The following MYOF variants were observed in gnomAD, a reference collection of about 807,000 sequenced individuals.
MYOF encodes the protein myoferlin.
A neutral mutation model predicts 284.2 loss-of-function variants in MYOF; 244 were observed. The ratio of observed to expected loss-of-function variants is 0.86; its 90% confidence interval spans 0.77 to 0.95. The LOEUF (loss-of-function observed/expected upper bound fraction) is 0.95. Among genes scored for constraint, MYOF ranks in the 40% least tolerant of loss-of-function variants. The pLI, the probability that MYOF is intolerant of heterozygous loss-of-function variation, is 0.00. For synonymous variants in MYOF, 904 were observed against 919.7 expected, an observed-to-expected ratio of 0.98 and a Z score of 0.31; for missense variants, 2,496 against 2,560.6, an observed-to-expected ratio of 0.97 and a Z score of 0.54.
At chr10:93,383,360 C>T (rs1846214569) in intron 19 of MYOF, among the ~76,000 whole-genome samples, 1 of 152,134 alleles carries the variant, frequency 6.6e-6, no homozygotes, top group African/African-American at 2.4e-5. Context: ...TTTGTCAAAT[C>T]CCCTCTAGGC....
chr10:93,405,482 T>A (rs1270651624), intron 7 of MYOF, among the ~76,000 whole-genome samples: 1 of 152,238 alleles, frequency 6.6e-6, no homozygotes, highest in Non-Finnish European at 1.5e-5. Flanking sequence ...TAAATAGAGA[T>A]GAAGTTTCAC....
chr10:93,392,984 CAAG>C (rs1365241017), intron 16 of MYOF, 29 bp from the exon 17 acceptor site: 6 of 1,577,982 alleles, frequency 3.8e-6, no homozygotes, highest in African/African-American at 1.4e-5. Flanking sequence ...ACTGGTTAAA[CAAG>C]AAGAACACGG....
chr10:93,317,078 G>A (rs1348881908), intron 49 of MYOF, among the ~76,000 whole-genome samples: 1 of 150,018 alleles, frequency 6.7e-6, no homozygotes, highest in East Asian at 2.0e-4. Flanking sequence ...GCTGCCACCT[G>A]GGGGTTGGAG....
In MYOF at chr10:93,356,760, G is replaced by A; in HGVS notation, c.3209C>T (p.Thr1070Ile). The A allele has an allele frequency of 1.2e-6, 2 of 1,614,156 alleles. No homozygotes were observed. Among genetic ancestry groups the A allele is most frequent in the African/African-American group, 1.3e-5 (1 of 75,050 alleles). The change falls in exon 30 of 54, where the codon ACC becomes ATC. Residue 1070 changes from threonine (T) to isoleucine (I), a missense_variant. Transcript: ENST00000359263. ...TCTCCTCCAGCGTCTGCGGCGGAAG[G>A]TATCTGAACTACGTTGTTTCCAGTG... is the stretch of plus-strand genomic sequence containing the variant. ...KFHWKQRSSD[T>I]FRRRRWRRKM...
intron 39 of MYOF, among the ~76,000 whole-genome samples, chr10:93,339,365 ATT>A (rs1404672066): frequency 4.3e-5 from 3 of 69,438 alleles, no homozygotes; most frequent in Non-Finnish European, 9.7e-5. Context: ...TATGCTTCTT[ATT>A]TGTGTGTGTG....
At position 93,399,418 on chromosome 10, in the gene MYOF, CA is replaced by C. The variant is rs1446562268; in HGVS notation, c.1194del (p.Phe398LeufsTer2). The C allele has an allele frequency of 1.2e-6, 2 of 1,613,432 alleles. No individual in the cohort carries two copies. Among genetic ancestry groups the C allele is most frequent in the East Asian group, 2.2e-5 (1 of 44,882 alleles). On this transcript the variant is annotated frameshift_variant, in exon 13 of 54. Coordinates refer to ENST00000359263, the MANE Select transcript of MYOF (RefSeq NM_013451.4). LOFTEE classifies it high-confidence loss of function. ...NADKKNLVDPFVEVSFAGKKV... is the reference protein window; with the variant it reads ...NADKKNLVDPXVEVSFAGKKV... ...TTTTTTCCAGCAAAGGAAACTTCTACAAAAGGATCCACGAGATTTTTCTTAT... is the reference window on the plus strand; with the variant it reads ...TTTTTTCCAGCAAAGGAAACTTCTACAAAGGATCCACGAGATTTTTCTTAT...
At chr10:93,344,033 A>G (rs1267416759) in intron 37 of MYOF, 101 bp from the exon 38 acceptor site, 2 of 1,272,022 alleles carry the variant, frequency 1.6e-6, no homozygotes, top group Non-Finnish European at 2.2e-6. Flanking sequence ...TGGATGGTAG[A>G]GTTTATTCTT....
intron 1 of MYOF, among the ~76,000 whole-genome samples, chr10:93,474,118 A>G (rs148361577): frequency 6.6e-6 from 1 of 152,190 alleles, no homozygotes; most frequent in East Asian, 1.9e-4. Flanking sequence ...CTTTAATTTA[A>G]TCAGGTTGTT....
At chr10:93,329,919 G>A in intron 43 of MYOF, 85 bp from the exon 44 acceptor site, 2 of 1,423,518 alleles carry the variant, frequency 1.4e-6, no homozygotes, top group Non-Finnish European at 2.0e-6. Context: ...AGAATTCCCA[G>A]GCTGTGTGTA....
intron 3 of MYOF, among the ~76,000 whole-genome samples, chr10:93,450,056 G>C (rs777212427): frequency 6.6e-6 from 1 of 152,002 alleles, no homozygotes; most frequent in Non-Finnish European, 1.5e-5. Context: ...CCAAGAGTTC[G>C]AGACCAGCCT....
chr10:93,440,410 C>T (rs1462467636), intron 3 of MYOF, among the ~76,000 whole-genome samples: 6 of 15,910 alleles, frequency 3.8e-4, no homozygotes, highest in Admixed American at 3.6e-3. Flanking sequence ...GACTCCGTCT[C>T]GAAAAAAAAA....
intron 1 of MYOF, among the ~76,000 whole-genome samples, chr10:93,464,419 T>C (rs910257815): frequency 6.6e-6 from 1 of 152,058 alleles, no homozygotes; most frequent in Non-Finnish European, 1.5e-5. Context: ...GTCCAACCAA[T>C]AACACCAGGT....
intron 6 of MYOF, 38 bp downstream of exon 6, chr10:93,409,535 A>G: frequency 6.2e-7 from 1 of 1,600,026 alleles, no homozygotes; most frequent in Non-Finnish European, 8.5e-7. Context: ...GGCAATATAA[A>G]GATTAAACAA....
chr10:93,407,847 G>A (rs550887980), intron 7 of MYOF, among the ~76,000 whole-genome samples: 1 of 151,928 alleles, frequency 6.6e-6, no homozygotes, highest in Admixed American at 6.6e-5. Context: ...AGCCAAGTAC[G>A]TTTTGACACC....
chr10:93,450,394 AAAAC>A (rs923570121), intron 3 of MYOF, among the ~76,000 whole-genome samples: 2 of 152,066 alleles, frequency 1.3e-5, no homozygotes, highest in South Asian at 2.1e-4. Context: ...TCCATCTCAA[AAAAC>A]AAACAAACAA....
At chr10:93,406,288 T>TTATTTATATA (rs1554855590) in intron 7 of MYOF, among the ~76,000 whole-genome samples, 1 of 58,128 alleles carries the variant, frequency 1.7e-5, no homozygotes, top group African/African-American at 3.9e-5. Flanking sequence ...TAAACCTCTT[T>TTATTTATATA]TATATATATA....
chr10:93,374,670 A>T, intron 23 of MYOF, 93 bp downstream of exon 23: 1 of 1,290,204 alleles, frequency 7.8e-7, no homozygotes, highest in Non-Finnish European at 1.1e-6. Context: ...AAGATAATGT[A>T]GTAGATTCTC....
chr10:93,329,954 G>A (rs1843228721), intron 43 of MYOF, 120 bp from the exon 44 acceptor site: 1 of 1,013,728 alleles, frequency 9.9e-7, no homozygotes, highest in Non-Finnish European at 1.5e-6. Flanking sequence ...GGACATCTGA[G>A]CAGGATAACC....
chr10:93,475,330 G>A (rs545898028), intron 1 of MYOF, among the ~76,000 whole-genome samples: 3 of 152,236 alleles, frequency 2.0e-5, no homozygotes, highest in East Asian at 1.9e-4. Context: ...TATATACTAC[G>A]TTTCATGTAT....
Sources: gnomAD v4.1 joint callset for allele counts (sites outside exome capture counted in the v4.1 genomes callset) on GRCh38, gnomAD v4.1.1 for gene constraint, MANE v1.5 for transcripts, NCBI Gene and HGNC (gene_info 2026-07-23, HGNC 2026-07-21) for gene names.